The following THADA variants were observed in gnomAD, a reference collection of about 807,000 sequenced individuals.
THADA encodes tRNA (32-2'-O)-methyltransferase regulator THADA.
THADA carries 213 observed loss-of-function variants against 219.8 expected under a neutral mutation model. That is an observed-to-expected ratio of 0.97 (90% CI 0.87 to 1.09). The LOEUF (loss-of-function observed/expected upper bound fraction) is 1.09, where lower values mean the gene tolerates loss of function less well. Ranked by LOEUF, THADA falls within the 50% of genes least tolerant of loss-of-function variation. The pLI, the probability that THADA is intolerant of heterozygous loss-of-function variation, is 0.00. For synonymous variants in THADA, 1,018 were observed against 828.9 expected, an observed-to-expected ratio of 1.23 and a Z score of -3.92; for missense variants, 2,956 against 2,311.3, an observed-to-expected ratio of 1.28 and a Z score of -5.72.
rs981298322 is a variant in THADA, at chr2:43,361,397, T to A, written c.4228-17160A>T. 4.6e-5 allele frequency among the ~76,000 whole-genome samples: 7 copies of A among 152,346 alleles called. No homozygotes were observed. In the East Asian group the frequency reaches 1.2e-3, roughly 25 times the overall value. The stretch of plus-strand genomic sequence containing the variant: ...TCTTTAAAAAATTAGTCACTCTTAT[T>A]AATGAATGGCATAGCCTACATGTGG... On this transcript the variant is annotated intron_variant, in intron 29 of 37. Transcript: ENST00000405975.
At chr2:43,558,978 G>T (rs1323445380) in intron 16 of THADA, among the ~76,000 whole-genome samples, 2 of 152,150 alleles carry the variant, frequency 1.3e-5, no homozygotes, top group Non-Finnish European at 2.9e-5. Context: ...TAGAGATGCA[G>T]AGGTCCCCTG....
intron 29 of THADA, among the ~76,000 whole-genome samples, chr2:43,378,933 G>GT (rs1671693424): frequency 6.6e-6 from 1 of 152,130 alleles, no homozygotes; most frequent in African/African-American, 2.4e-5. Flanking sequence ...GCTGAAGGAA[G>GT]TAAGTGTCAA....
intron 25 of THADA, among the ~76,000 whole-genome samples, chr2:43,497,127 G>A (rs1049657004): frequency 6.6e-6 from 1 of 152,158 alleles, no homozygotes; most frequent in Non-Finnish European, 1.5e-5. Context: ...AAGACAGTGT[G>A]GTGATTCCTC....
intron 22 of THADA, among the ~76,000 whole-genome samples, chr2:43,514,121 C>A (rs1186080448): frequency 6.7e-6 from 1 of 150,146 alleles, no homozygotes; most frequent in Non-Finnish European, 1.5e-5. Flanking sequence ...GAAATAAGAA[C>A]AGGCATGTAT....
chr2:43,411,955 A>T (rs1471028539), intron 28 of THADA, among the ~76,000 whole-genome samples: 3 of 152,196 alleles, frequency 2.0e-5, no homozygotes. Context: ...CATGTCAGTA[A>T]AGAATACTGG....
intron 25 of THADA, among the ~76,000 whole-genome samples, chr2:43,496,759 A>C (rs1330088215): frequency 6.6e-6 from 1 of 152,184 alleles, no homozygotes; most frequent in African/African-American, 2.4e-5. Context: ...CTGGGGAAGA[A>C]GTTTGTTCAT....
At chr2:43,331,652 C>G (rs1665781964) in intron 30 of THADA, among the ~76,000 whole-genome samples, 1 of 152,190 alleles carries the variant, frequency 6.6e-6, no homozygotes, top group African/African-American at 2.4e-5. Flanking sequence ...TGCACTCCCT[C>G]CAGTATCCCA....
chr2:43,413,363 G>T (rs1676535597), intron 28 of THADA, among the ~76,000 whole-genome samples: 1 of 152,090 alleles, frequency 6.6e-6, no homozygotes, highest in African/African-American at 2.4e-5. Context: ...TAAGAGGGCT[G>T]GCTGAATCGT....
chr2:43,348,607 A>ATG (rs1558620442), intron 29 of THADA, among the ~76,000 whole-genome samples: 1 of 152,082 alleles, frequency 6.6e-6, no homozygotes, highest in African/African-American at 2.4e-5. Flanking sequence ...AAGGAGAGGA[A>ATG]AGGATACATC....
intron 28 of THADA, among the ~76,000 whole-genome samples, chr2:43,416,271 G>C (rs945597479): frequency 2.0e-5 from 3 of 152,118 alleles, no homozygotes; most frequent in African/African-American, 4.8e-5. Context: ...TTCTTTTCTT[G>C]TCTGTGGTGA....
chr2:43,288,110 T>C (rs1674261211), intron 34 of THADA, among the ~76,000 whole-genome samples: 1 of 152,192 alleles, frequency 6.6e-6, no homozygotes, highest in Admixed American at 6.5e-5. Context: ...TTTATGTTTC[T>C]ATTACAACAT....
intron 22 of THADA, among the ~76,000 whole-genome samples, chr2:43,527,659 A>T (rs1231795013): frequency 6.6e-6 from 1 of 152,170 alleles, no homozygotes; most frequent in Non-Finnish European, 1.5e-5. Context: ...GCTTCAAATC[A>T]CCTTTCAATG....
intron 31 of THADA, among the ~76,000 whole-genome samples, chr2:43,293,934 C>T (rs1675049288): frequency 6.6e-6 from 1 of 152,180 alleles, no homozygotes; most frequent in Non-Finnish European, 1.5e-5. Flanking sequence ...ACCCGCAGGA[C>T]TATTACTTTC....
chr2:43,390,557 T>G (rs1222216049), intron 29 of THADA, among the ~76,000 whole-genome samples: 6 of 152,212 alleles, frequency 3.9e-5, no homozygotes, highest in Non-Finnish European at 8.8e-5. Flanking sequence ...TATCTATTCC[T>G]GATTCCCCTT....
In THADA at chr2:43,551,896, G is replaced by A. The variant is rs999717846; in HGVS notation, c.2840C>T (p.Pro947Leu). 2 of 1,613,746 alleles carry A rather than the reference G, an allele frequency of 1.2e-6. No individual in the cohort carries two copies. The highest frequency in any genetic ancestry group is 1.7e-6 in the Non-Finnish European group (2 of 1,179,806). Reference protein sequence around the residue: ...NSLQLVSEWRPVVEKLLLMSY... With the variant: ...NSLQLVSEWRLVVEKLLLMSY... ...CATCAAAAGGAGCTTCTCTACCACA[G>A]GTCTCCACTCGCTCACCAACTGCAG... is the stretch of plus-strand genomic sequence containing the variant. Residue 947 changes from proline to leucine, a missense_variant, in exon 19 of 38, where the codon CCT (proline) becomes CTT (leucine). By Grantham distance (98) the Pro-to-Leu change is moderately conservative (BLOSUM62 -3). Coordinates refer to ENST00000405975, the MANE Select transcript of THADA (RefSeq NM_022065.5).
intron 21 of THADA, among the ~76,000 whole-genome samples, chr2:43,535,852 C>T (rs951150030): frequency 1.3e-5 from 2 of 151,976 alleles, no homozygotes; most frequent in African/African-American, 2.4e-5. Context: ...GACTGACACT[C>T]GCTCTGTCAC....
At chr2:43,253,696 T>C (rs578250535) in intron 36 of THADA, among the ~76,000 whole-genome samples, 2 of 152,224 alleles carry the variant, frequency 1.3e-5, no homozygotes, top group South Asian at 4.2e-4. Context: ...TCTCCTGAGC[T>C]ACTCATCTCT....
At chr2:43,594,225 T>C (rs1439233400) in intron 1 of THADA, among the ~76,000 whole-genome samples, 2 of 152,184 alleles carry the variant, frequency 1.3e-5, no homozygotes, top group Admixed American at 6.5e-5. Flanking sequence ...TCTCATCAAA[T>C]TGAATTACTT....
intron 28 of THADA, among the ~76,000 whole-genome samples, chr2:43,400,872 G>A (rs1228295342): frequency 6.6e-6 from 1 of 152,114 alleles, no homozygotes; most frequent in Non-Finnish European, 1.5e-5. Flanking sequence ...GGTGAATTCT[G>A]TGCTGTTTTA....
Sources: allele counts gnomAD v4.1 joint callset (sites outside exome capture counted in the v4.1 genomes callset), GRCh38; gene constraint gnomAD v4.1.1; transcripts MANE v1.5; gene names NCBI Gene and HGNC (gene_info 2026-07-23, HGNC 2026-07-21).